LYST: variants seen among roughly 807,000 people sequenced by gnomAD.
The protein encoded by LYST is lysosomal trafficking regulator.
Under a neutral mutation model 413.6 loss-of-function variants are expected in LYST, and 192 were observed. The observed-to-expected ratio is 0.46, with a 90% CI of 0.41 to 0.52. LYST has a LOEUF of 0.52. Among genes scored for constraint, LYST ranks in the 20% least tolerant of loss-of-function variants. LYST has a pLI of 0.00. For missense variants in LYST, 3,815 were observed against 4,499.9 expected (o/e 0.85, Z 4.35); for synonymous variants, 1,525 against 1,567.3 (o/e 0.97, Z 0.64).
At chr1:235,689,965 A>G (rs746584758) in intron 47 of LYST, among the ~76,000 whole-genome samples, 1 of 152,210 alleles carries the variant, frequency 6.6e-6, no homozygotes, top group Non-Finnish European at 1.5e-5. Context: ...AGCATCTTTA[A>G]AGTTATTTGT....
intron 21 of LYST, 34 bp from the exon 22 acceptor site, chr1:235,762,885 T>C (rs749987595): frequency 6.3e-7 from 1 of 1,586,692 alleles, no homozygotes; most frequent in Non-Finnish European, 8.6e-7. Flanking sequence ...ACAGCAAAAT[T>C]TTTAAAAAGG....
At position 235,664,179 on chromosome 1, in the gene LYST, C is replaced by A. The variant is rs1340015860; in HGVS notation, c.11196-124G>T. ...ATGTAACAAACAATTAACAGTAGTT[C>A]CCTCTAGGGAGTTTGCAGGGGGTAG... is the stretch of plus-strand genomic sequence containing the variant. On this transcript the variant is annotated intron_variant, in intron 51 of 52. Coordinates refer to ENST00000389793, the MANE Select transcript of LYST (RefSeq NM_000081.4). The surrounding 1 kb of genome is among the most constrained non-coding windows in gnomAD (Gnocchi z 4.5). The A allele has an allele frequency of 1.2e-6, 1 of 841,144 alleles. No individual in the cohort carries two copies. Among genetic ancestry groups the A allele is most frequent in the Non-Finnish European group, 2.0e-6 (1 of 498,500 alleles). 52.1% of individuals were successfully genotyped at this position (841,144 alleles called of 1,614,324 possible). A position where few individuals can be genotyped will look rare whatever the true frequency, so the allele number is the denominator to read the frequency against.
chr1:235,766,130 T>C lies in LYST; in HGVS notation c.6070A>G (p.Asn2024Asp), dbSNP rs1668120761. Reference protein sequence around the residue: ...NFLLAVHPPTNTYVCHNPTNF... With the variant: ...NFLLAVHPPTDTYVCHNPTNF... Reference sequence around the variant, plus strand: ...GTGGGATTGTGACAAACGTAAGTATTAGTAGGAGGGTGAACTGCTAAAAGG... The same window carrying C: ...GTGGGATTGTGACAAACGTAAGTATCAGTAGGAGGGTGAACTGCTAAAAGG... Residue 2024 changes from asparagine to aspartate, a missense_variant, in exon 21 of 53, where the codon AAT (asparagine) becomes GAT (aspartate). By Grantham distance (23) the Asn-to-Asp change is conservative (BLOSUM62 1). Transcript: ENST00000389793. 6.2e-7 allele frequency: 1 copy of C among 1,613,564 alleles called. No homozygotes were observed. Among genetic ancestry groups the C allele is most frequent in the Non-Finnish European group, 8.5e-7 (1 of 1,179,586 alleles).
chr1:235,809,506 G>C lies in LYST; in HGVS notation c.1312C>G (p.Gln438Glu), dbSNP rs367867898. 7 of 1,613,990 alleles carry C rather than the reference G, an allele frequency of 4.3e-6. No individual in the cohort carries two copies. Among genetic ancestry groups the C allele is most frequent in the Non-Finnish European group, 5.9e-6 (7 of 1,179,936 alleles). Residue 438 changes from glutamine (Q) to glutamate (E), a missense_variant, in exon 5 of 53, where the codon CAG becomes GAG. Gln to Glu is a conservative substitution (Grantham distance 29). Around this residue, in one of 4 missense-constraint regions of LYST, gnomAD observed 1,648 missense variants for 1,810.3 expected, o/e 0.91. Transcript: ENST00000389793. The surrounding 1 kb of genome is among the most constrained non-coding windows in gnomAD (Gnocchi z 4.0). ...TCAAATAAATTAAATCCATGATGCT[G>C]AATGAATTCTTGAACCAAATCCATG... ...QAMDLVQEFI[Q>E]HHGFNLFETA...
chr1:235,833,851 C>T (rs1030245083), intron 1 of LYST, among the ~76,000 whole-genome samples, 184 bp from the exon 2 acceptor site: 2 of 152,168 alleles, frequency 1.3e-5, no homozygotes, highest in Non-Finnish European at 2.9e-5. Context: ...AATCTTGGAA[C>T]ATAGTGATCT....
chr1:235,834,315 T>C (rs980421227), intron 1 of LYST, among the ~76,000 whole-genome samples: 2 of 152,194 alleles, frequency 1.3e-5, no homozygotes, highest in Non-Finnish European at 2.9e-5. Context: ...GGAAGAAGCA[T>C]GAAGAATGTT....
upstream of LYST, among the ~76,000 whole-genome samples, chr1:235,869,244 G>A (rs941880579): frequency 6.6e-6 from 1 of 152,008 alleles, no homozygotes; most frequent in African/African-American, 2.4e-5. Flanking sequence ...AGGCCGAGGC[G>A]GGCAGATCAC....
chr1:235,776,961 G>C, intron 17 of LYST, 102 bp downstream of exon 17: 2 of 977,610 alleles, frequency 2.0e-6, no homozygotes, highest in Non-Finnish European at 3.1e-6. Context: ...GTTTAATATA[G>C]TCGAGTGTAG....
At chr1:235,762,890 A>G (rs550959444) in intron 21 of LYST, 39 bp from the exon 22 acceptor site, 1 of 1,556,104 alleles carries the variant, frequency 6.4e-7, no homozygotes, top group East Asian at 2.3e-5. Flanking sequence ...AAAATTTTTA[A>G]AAAGGATAAA....
chr1:235,717,812 TAA>T (rs1283458205), intron 40 of LYST, among the ~76,000 whole-genome samples: 2 of 152,082 alleles, frequency 1.3e-5, no homozygotes, highest in East Asian at 3.8e-4. Flanking sequence ...AAAACCTTGT[TAA>T]AAAGCAAAAA....
chr1:235,853,175 A>G (rs78611805), intron 1 of LYST: 2 of 168,972 alleles, frequency 1.2e-5, no homozygotes, highest in Admixed American at 6.5e-5. Context: ...CACATTGTAC[A>G]TTTATACCAA....
At chr1:235,713,351 T>G (rs1662561330) in intron 42 of LYST, among the ~76,000 whole-genome samples, 1 of 152,188 alleles carries the variant, frequency 6.6e-6, no homozygotes, top group Non-Finnish European at 1.5e-5. Flanking sequence ...AAGGTAATTT[T>G]GTAAGGCTAT....
intron 23 of LYST, among the ~76,000 whole-genome samples, chr1:235,758,499 T>C (rs897044140): frequency 1.3e-5 from 2 of 152,144 alleles, no homozygotes; most frequent in African/African-American, 4.8e-5. Context: ...ATTACCTGAG[T>C]GGAATGGAGC....
In LYST at chr1:235,805,932, C is replaced by G; in HGVS notation, c.3204G>C (p.Gln1068His). ...CTTCCACATTTATGGAAGAAATATG[C>G]TGTAACTCTAATTTACCTAAACTGT... ...SADSLGKLEL[Q>H]HISSINVEEV... is the part of the protein sequence containing the mutation. Residue 1068 changes from glutamine to histidine, a missense_variant, in exon 6 of 53, where the codon CAG (glutamine) becomes CAC (histidine). By Grantham distance (24) the Gln-to-His change is conservative. Transcript: ENST00000389793. 6.2e-7 allele frequency: 1 copy of G among 1,613,814 alleles called. No individual in the cohort carries two copies. Among genetic ancestry groups the G allele is most frequent in the African/African-American group, 1.3e-5 (1 of 75,026 alleles).
chr1:235,707,823 C>T (rs188374983), intron 44 of LYST, among the ~76,000 whole-genome samples: 1 of 151,958 alleles, frequency 6.6e-6, no homozygotes, highest in South Asian at 2.1e-4. Context: ...GTTGAGTATC[C>T]CTTATACAAA....
chr1:235,768,929 A>G lies in LYST; in HGVS notation c.5922+1231T>C, dbSNP rs138583382. ...CCACAGGGGCCAAGAAAGGCAATAAAATGTTTTTGTGTTTTTGGAATTCAT... is the reference window on the plus strand; with the variant it reads ...CCACAGGGGCCAAGAAAGGCAATAAGATGTTTTTGTGTTTTTGGAATTCAT... On this transcript the variant is annotated intron_variant, in intron 20 of 52. Transcript: ENST00000389793. 3.3e-5 allele frequency among the ~76,000 whole-genome samples: 5 copies of G among 152,198 alleles called. No homozygotes were observed. In the East Asian group the frequency reaches 5.8e-4, roughly 18 times the overall value.
upstream of LYST, among the ~76,000 whole-genome samples, chr1:235,868,877 TAG>T (rs1680788260): frequency 6.6e-6 from 1 of 152,032 alleles, no homozygotes; most frequent in Non-Finnish European, 1.5e-5. Flanking sequence ...GTATTTTTAG[TAG>T]AGACAGAGTT....
intron 11 of LYST, 87 bp downstream of exon 11, chr1:235,793,416 T>G (rs1187667930): frequency 2.9e-6 from 2 of 688,900 alleles, no homozygotes; most frequent in Non-Finnish European, 2.5e-6. Context: ...CTTAGTAACA[T>G]TTCTAAATAA....
At chr1:235,681,510 C>T (rs1659813159) in intron 48 of LYST, among the ~76,000 whole-genome samples, 1 of 152,088 alleles carries the variant, frequency 6.6e-6, no homozygotes, top group Non-Finnish European at 1.5e-5. Context: ...ATAGAGCCTA[C>T]AAGGAGACTC....
Sources: gnomAD v4.1 joint callset for allele counts (sites outside exome capture counted in the v4.1 genomes callset) on GRCh38, gnomAD v4.1.1 for gene constraint, gnomAD v4.1.1 regional missense constraint, Gnocchi (gnomAD v3.1) non-coding constraint, MANE v1.5 for transcripts, NCBI Gene and HGNC (gene_info 2026-07-23, HGNC 2026-07-21) for gene names.